TRDN: variants seen among roughly 807,000 people sequenced by gnomAD.
TRDN encodes triadin in skeletal muscle.
Under a neutral mutation model 149.7 loss-of-function variants are expected in TRDN, and 161 were observed. That is an observed-to-expected ratio of 1.08 (90% CI 0.95 to 1.23). The LOEUF is 1.23. Ranked by LOEUF, TRDN falls within the 50% of genes most tolerant of loss-of-function variation. The probability of loss-of-function intolerance (pLI) is 0.00; values close to 1 mark genes in which losing one functional copy is unlikely to be tolerated. For synonymous variants in TRDN, 294 were observed against 250.5 expected, an observed-to-expected ratio of 1.17 and a Z score of -1.64; for missense variants, 896 against 823.5, an observed-to-expected ratio of 1.09 and a Z score of -1.08.
At chr6:123,296,753 A>T (rs1213862478) in intron 24 of TRDN, among the ~76,000 whole-genome samples, 1 of 152,024 alleles carries the variant, frequency 6.6e-6, no homozygotes, top group East Asian at 1.9e-4. Flanking sequence ...TAATTTTGGA[A>T]ATATGTTCTT....
intron 9 of TRDN, chr6:123,471,620 T>A (rs1777156607): frequency 1.3e-5 from 2 of 152,234 alleles, no homozygotes; most frequent in Non-Finnish European, 2.9e-5. Flanking sequence ...CTGGAACGGT[T>A]TCTTTGCTTC....
intron 20 of TRDN, among the ~76,000 whole-genome samples, chr6:123,356,830 C>A (rs1344186808): frequency 6.7e-6 from 1 of 150,276 alleles, no homozygotes. Flanking sequence ...AGTGATGATC[C>A]CTTTTTATTT....
intron 19 of TRDN, among the ~76,000 whole-genome samples, chr6:123,374,463 G>A (rs1463299840): frequency 1.3e-5 from 2 of 151,858 alleles, no homozygotes; most frequent in African/African-American, 4.8e-5. Context: ...GTTCCAATCA[G>A]CTTTACATTT....
intron 24 of TRDN, among the ~76,000 whole-genome samples, chr6:123,307,453 T>A (rs1008444239): frequency 6.6e-6 from 1 of 152,110 alleles, no homozygotes; most frequent in Admixed American, 6.6e-5. Flanking sequence ...TGATTCTACA[T>A]ACAAGAATAT....
Position 123,514,969 on chromosome 6 carries a change from C to T in TRDN, c.550+1172G>A, listed in dbSNP as rs181162182. On this transcript the variant is annotated intron_variant, in intron 6 of 40. Coordinates refer to ENST00000334268, the MANE Select transcript of TRDN (RefSeq NM_006073.4). ...GGAGGGAGAGCATTAGGACAAATAC[C>T]TAATGCACGCAAGGCTTAAAACCTA... is the stretch of plus-strand genomic sequence containing the variant. Among the ~76,000 whole-genome samples, 315 of 151,986 alleles carry T rather than the reference C, an allele frequency of 2.1e-3. 1 individual carries two copies. Among genetic ancestry groups the T allele is most frequent in the African/African-American group, 7.1e-3 (294 of 41,458 alleles).
Position 123,636,831 on chromosome 6 carries a change from A to T in TRDN, c.-56T>A. The T allele has an allele frequency of 6.2e-7, 1 of 1,608,824 alleles. No homozygotes were observed. The highest frequency in any genetic ancestry group is 8.5e-7 in the Non-Finnish European group (1 of 1,176,180). ...AAGTTCCCGTCAAGTTGCACTTTGC[A>T]GAGTATTTGGGGATTTGAGAACTCT... On this transcript the variant is annotated 5_prime_UTR_variant, in exon 1 of 41. Coordinates refer to ENST00000334268, the MANE Select transcript of TRDN (RefSeq NM_006073.4).
intron 1 of TRDN, among the ~76,000 whole-genome samples, chr6:123,598,461 A>G (rs1393798851): frequency 6.6e-6 from 1 of 152,046 alleles, no homozygotes; most frequent in Admixed American, 6.6e-5. Context: ...CCTAGCTCCC[A>G]TTACTCATCC....
intron 9 of TRDN, among the ~76,000 whole-genome samples, chr6:123,474,808 C>A (rs1342395904): frequency 6.6e-6 from 1 of 151,966 alleles, no homozygotes; most frequent in East Asian, 1.9e-4. Flanking sequence ...AACTGAACAA[C>A]CTGCTCCTGA....
intron 38 of TRDN, among the ~76,000 whole-genome samples, chr6:123,251,610 C>CAT (rs1262687256): frequency 6.6e-6 from 1 of 151,196 alleles, no homozygotes; most frequent in Non-Finnish European, 1.5e-5. Flanking sequence ...ATTAAAATTA[C>CAT]ATATATGTAA....
At position 123,458,971 on chromosome 6, in the gene TRDN, AAATAT is replaced by A. The variant is rs1341880836; in HGVS notation, c.931+5930_931+5934del. On this transcript the variant is annotated intron_variant, in intron 10 of 40. Coordinates refer to ENST00000334268, the MANE Select transcript of TRDN (RefSeq NM_006073.4). ...GTGTGCATTGTAAATGCAAAAGAAA[AAATAT>A]AATATATTAAGCTGCCCAAAAGTGT... is the stretch of plus-strand genomic sequence containing the variant. Among the ~76,000 whole-genome samples, 18 of 152,318 alleles carry A rather than the reference AAATAT, an allele frequency of 1.2e-4. No individual in the cohort carries two copies. In the South Asian group the frequency reaches 2.7e-3, roughly 23 times the overall value.
intron 1 of TRDN, among the ~76,000 whole-genome samples, chr6:123,614,066 C>T (rs746361519): frequency 6.6e-6 from 1 of 151,818 alleles, no homozygotes; most frequent in Non-Finnish European, 1.5e-5. Context: ...GCTCTAAGAC[C>T]AGCACCTCCT....
intron 35 of TRDN, among the ~76,000 whole-genome samples, chr6:123,257,004 CAG>C (rs1025621604): frequency 3.5e-5 from 5 of 143,436 alleles, no homozygotes; most frequent in African/African-American, 5.2e-5. Context: ...TTTTTTTAGA[CAG>C]AGTCTCACTC....
chr6:123,310,727 A>T (rs1413466445), intron 24 of TRDN, among the ~76,000 whole-genome samples: 1 of 152,024 alleles, frequency 6.6e-6, no homozygotes, highest in East Asian at 1.9e-4. Context: ...AAGGCAGCAG[A>T]AAAGTTCTCA....
At chr6:123,583,551 G>T (rs1348317028) in intron 1 of TRDN, among the ~76,000 whole-genome samples, 2 of 149,114 alleles carry the variant, frequency 1.3e-5, no homozygotes, top group Non-Finnish European at 3.0e-5. Context: ...GACCGTAAGG[G>T]ATATAAAGGT....
intron 24 of TRDN, among the ~76,000 whole-genome samples, chr6:123,314,686 C>T (rs1446095672): frequency 3.3e-5 from 5 of 151,966 alleles, no homozygotes; most frequent in African/African-American, 2.4e-5. Context: ...AGATCATGTC[C>T]TTTGCAGTGA....
chr6:123,565,413 A>C (rs548900143), intron 2 of TRDN, among the ~76,000 whole-genome samples: 1 of 152,266 alleles, frequency 6.6e-6, no homozygotes, highest in South Asian at 2.1e-4. Flanking sequence ...TTTGTGTCTG[A>C]TGTCCTGAGG....
intron 1 of TRDN, among the ~76,000 whole-genome samples, chr6:123,612,486 C>T (rs1044270624): frequency 3.3e-5 from 5 of 151,218 alleles, no homozygotes; most frequent in South Asian, 2.1e-4. Flanking sequence ...TGGTGGCGGG[C>T]GCCTGTAATC....
chr6:123,623,532 A>G (rs1008774149), intron 1 of TRDN, among the ~76,000 whole-genome samples: 2 of 152,110 alleles, frequency 1.3e-5, no homozygotes, highest in Non-Finnish European at 2.9e-5. Flanking sequence ...TCGTTGCAAC[A>G]AATTTTTCCA....
chr6:123,465,034 A>G, intron 9 of TRDN, 51 bp from the exon 10 acceptor site: 1 of 1,529,588 alleles, frequency 6.5e-7, no homozygotes, highest in Non-Finnish European at 8.8e-7. Context: ...TAACAAATCT[A>G]ATATCCACAA....
Sources: allele counts gnomAD v4.1 joint callset (sites outside exome capture counted in the v4.1 genomes callset), GRCh38; gene constraint gnomAD v4.1.1; transcripts MANE v1.5; gene names NCBI Gene and HGNC (gene_info 2026-07-23, HGNC 2026-07-21).